The following AFF3 variants were observed in gnomAD, a reference collection of about 807,000 sequenced individuals.
The protein encoded by AFF3 is ALF transcription elongation factor 3.
A neutral mutation model predicts 129.7 loss-of-function variants in AFF3; 32 were observed. That is an observed-to-expected ratio of 0.25 (90% confidence interval 0.19 to 0.33). The LOEUF is 0.33. Ranked by LOEUF, AFF3 falls within the 10% of genes least tolerant of loss-of-function variation. The pLI is 1.00. For synonymous variants in AFF3, 644 were observed against 635.4 expected (o/e 1.01, Z -0.20); for missense variants, 1,373 against 1,592.0 (o/e 0.86, Z 2.34).
chr2:100,040,512 G>T (rs866785784), intron 4 of AFF3, among the ~76,000 whole-genome samples: 1 of 152,166 alleles, frequency 6.6e-6, no homozygotes, highest in South Asian at 2.1e-4. Context: ...TTCTAATCAT[G>T]AGCAATAAGA....
intron 16 of AFF3, among the ~76,000 whole-genome samples, chr2:99,584,108 C>T (rs537354617): frequency 6.6e-6 from 1 of 152,098 alleles, no homozygotes; most frequent in African/African-American, 2.4e-5. Context: ...TATGTGAAGC[C>T]AATTCTTAAT....
intron 4 of AFF3, chr2:100,011,666 C>A: frequency 1.3e-6 from 1 of 751,798 alleles, no homozygotes; most frequent in Non-Finnish European, 2.5e-6. Context: ...GCATATTTTC[C>A]AGAAGCCGAG....
chr2:99,901,221 G>A (rs1286545425), intron 7 of AFF3, among the ~76,000 whole-genome samples: 1 of 152,118 alleles, frequency 6.6e-6, no homozygotes, highest in African/African-American at 2.4e-5. Flanking sequence ...AGGTGTGCTG[G>A]GATCCCTGAA....
chr2:99,693,610 T>C (rs750476017), intron 11 of AFF3, among the ~76,000 whole-genome samples: 2 of 152,210 alleles, frequency 1.3e-5, no homozygotes, highest in Admixed American at 6.5e-5. Flanking sequence ...CTTAGATTTA[T>C]GGCCGGTTCC....
intron 11 of AFF3, among the ~76,000 whole-genome samples, chr2:99,714,738 A>C (rs1378104902): frequency 6.6e-6 from 1 of 152,198 alleles, no homozygotes; most frequent in Non-Finnish European, 1.5e-5. Flanking sequence ...CTTATTGTTA[A>C]ATGCACTTGC....
intron 4 of AFF3, among the ~76,000 whole-genome samples, chr2:100,084,539 C>T (rs1689276159): frequency 6.6e-6 from 1 of 152,154 alleles, no homozygotes; most frequent in African/African-American, 2.4e-5. Flanking sequence ...AAAAGCACTG[C>T]TTGTGTTTGA....
chr2:99,629,666 T>C (rs1682945869), intron 13 of AFF3, among the ~76,000 whole-genome samples: 3 of 152,164 alleles, frequency 2.0e-5, no homozygotes, highest in Non-Finnish European at 4.4e-5. Context: ...AACAGACATT[T>C]ATTTCTCACA....
At chr2:100,062,990 A>G (rs1201485539) in intron 4 of AFF3, among the ~76,000 whole-genome samples, 1 of 152,134 alleles carries the variant, frequency 6.6e-6, no homozygotes, top group African/African-American at 2.4e-5. Context: ...GTGGCTCACG[A>G]CCGTAATCCC....
intron 16 of AFF3, among the ~76,000 whole-genome samples, chr2:99,585,738 T>A (rs1308106812): frequency 6.6e-6 from 1 of 152,190 alleles, no homozygotes; most frequent in African/African-American, 2.4e-5. Flanking sequence ...TTTCTTTTTC[T>A]TTTCTTTTTT....
At chr2:99,967,507 T>C (rs1195823767) in intron 7 of AFF3, among the ~76,000 whole-genome samples, 4 of 152,226 alleles carry the variant, frequency 2.6e-5, no homozygotes, top group South Asian at 2.1e-4. Context: ...CAAACCAGCT[T>C]GTGAACTGAC....
At chr2:99,600,567 C>T (rs761992632) in intron 14 of AFF3, among the ~76,000 whole-genome samples, 5 of 151,982 alleles carry the variant, frequency 3.3e-5, no homozygotes, top group Non-Finnish European at 5.9e-5. Flanking sequence ...GGAATATGGC[C>T]CCCCCAAATG....
At chr2:99,744,161 A>C (rs752398083) in intron 9 of AFF3, 21 bp from the exon 10 acceptor site, 4 of 1,599,092 alleles carry the variant, frequency 2.5e-6, no homozygotes, top group African/African-American at 1.3e-5. Context: ...AAGAAATATC[A>C]ATTAATTTTC....
chr2:99,961,749 TAGA>T (rs1677229888), intron 7 of AFF3, among the ~76,000 whole-genome samples: 1 of 152,132 alleles, frequency 6.6e-6, no homozygotes, highest in Non-Finnish European at 1.5e-5. Context: ...GCCCTGCCAA[TAGA>T]AGAAGGCAAC....
chr2:99,678,441 C>G (rs190858819), intron 11 of AFF3, among the ~76,000 whole-genome samples: 1 of 152,162 alleles, frequency 6.6e-6, no homozygotes, highest in Admixed American at 6.5e-5. Flanking sequence ...CAAACGGGCA[C>G]GTTAACTACC....
At chr2:100,031,887 G>A (rs73966406) in intron 4 of AFF3, among the ~76,000 whole-genome samples, 3,107 of 152,320 alleles carry the variant, frequency 0.02, 87 homozygotes, top group African/African-American at 0.068. Flanking sequence ...GATATTCCAA[G>A]CTTAAGGAGG....
At chr2:99,994,617 G>A (rs546612651) in intron 7 of AFF3, among the ~76,000 whole-genome samples, 1 of 152,078 alleles carries the variant, frequency 6.6e-6, no homozygotes, top group East Asian at 1.9e-4. Context: ...TAAGAGGAAC[G>A]GGCCTTGAAG....
intron 8 of AFF3, among the ~76,000 whole-genome samples, chr2:99,806,801 G>A (rs572726754): frequency 1.3e-5 from 2 of 152,270 alleles, no homozygotes; most frequent in South Asian, 2.1e-4. Context: ...AACAGTAGGC[G>A]CTCTGTGTTG....
At chr2:100,113,714 T>C (rs1691614478) in intron 2 of AFF3, among the ~76,000 whole-genome samples, 1 of 152,078 alleles carries the variant, frequency 6.6e-6, no homozygotes, top group Non-Finnish European at 1.5e-5. Context: ...CCCCTAACAT[T>C]GGGTTGGGTC....
intron 8 of AFF3, among the ~76,000 whole-genome samples, chr2:99,763,800 C>T (rs1682802198): frequency 6.6e-6 from 1 of 152,184 alleles, no homozygotes; most frequent in South Asian, 2.1e-4. Flanking sequence ...TTTCTTCAAT[C>T]TGAAAACCCA....
Sources: allele counts gnomAD v4.1 joint callset (sites outside exome capture counted in the v4.1 genomes callset), GRCh38; gene constraint gnomAD v4.1.1; transcripts MANE v1.5; gene names NCBI Gene and HGNC (gene_info 2026-07-23, HGNC 2026-07-21).